DOCK2: variants seen among roughly 807,000 people sequenced by gnomAD.
DOCK2 encodes the protein dedicator of cytokinesis 2, also known as dedicator of cytokinesis protein 2.
In DOCK2, 87 loss-of-function variants were observed where a neutral mutation model predicts 248.9. The observed-to-expected ratio is 0.35, with a 90% CI of 0.29 to 0.42. The LOEUF (loss-of-function observed/expected upper bound fraction) is 0.42. Among genes scored for constraint, DOCK2 ranks in the 10% least tolerant of loss-of-function variants. The pLI is 1.00. For synonymous variants in DOCK2, 805 were observed against 821.6 expected, an observed-to-expected ratio of 0.98 and a Z score of 0.35; for missense variants, 1,747 against 2,300.2, an observed-to-expected ratio of 0.76 and a Z score of 4.92.
chr5:169,790,851 G>T (rs999863658), intron 25 of DOCK2, among the ~76,000 whole-genome samples: 2 of 152,148 alleles, frequency 1.3e-5, no homozygotes, highest in Admixed American at 1.3e-4. Context: ...TGGTAGTAAG[G>T]CTGGGATTCA....
intron 1 of DOCK2, among the ~76,000 whole-genome samples, chr5:169,649,798 A>AT (rs1034567281): frequency 3.3e-5 from 5 of 149,376 alleles, no homozygotes; most frequent in African/African-American, 4.9e-5. Flanking sequence ...AGTGCTAGGG[A>AT]TTTTTTTTTC....
chr5:169,750,794 CGAA>C (rs1477351256), intron 23 of DOCK2, among the ~76,000 whole-genome samples: 3 of 152,126 alleles, frequency 2.0e-5, no homozygotes, highest in African/African-American at 4.8e-5. Context: ...GAAAAGTTAT[CGAA>C]GAAGAATTTA....
rs560763186 is a variant in DOCK2 at position 169,806,302 on chromosome 5, G to C, written c.2703+3096G>C. 6.2e-4 allele frequency among the ~76,000 whole-genome samples: 58 copies of C among 93,236 alleles called. 1 individual carries two copies. The South Asian group carries it at 0.021, about 33-fold the overall frequency. The allele number at this position is 93,236 out of a possible 152,430, so 61.2% of individuals were successfully genotyped here. ...CTATAGGTACCAGCCACCACACTTG[G>C]TTAATTAGTTAATTAATTAATTAAT... On this transcript the variant is annotated intron_variant, in intron 26 of 51. Transcript: ENST00000520908.
intron 32 of DOCK2, among the ~76,000 whole-genome samples, chr5:170,011,843 T>A (rs1314932834): frequency 6.6e-6 from 1 of 152,208 alleles, no homozygotes; most frequent in East Asian, 1.9e-4. Flanking sequence ...AAGGACAATA[T>A]GGCTGGAGGG....
At chr5:169,678,077 T>C (rs994664139) in intron 6 of DOCK2, among the ~76,000 whole-genome samples, 2 of 152,148 alleles carry the variant, frequency 1.3e-5, no homozygotes, top group Non-Finnish European at 2.9e-5. Context: ...CATGCCTGGT[T>C]TGTTTTAAAT....
chr5:169,863,093 A>C (rs1364700196), intron 27 of DOCK2, among the ~76,000 whole-genome samples: 1 of 152,220 alleles, frequency 6.6e-6, no homozygotes, highest in African/African-American at 2.4e-5. Flanking sequence ...TTGTTCAGCC[A>C]TGCAAGTTTG....
At chr5:169,647,871 T>C (rs1757558114) in intron 1 of DOCK2, among the ~76,000 whole-genome samples, 1 of 152,158 alleles carries the variant, frequency 6.6e-6, no homozygotes, top group Non-Finnish European at 1.5e-5. Flanking sequence ...TTCTTGTGTG[T>C]TTATTTTGTC....
intron 46 of DOCK2, among the ~76,000 whole-genome samples, chr5:170,069,981 G>A (rs1757625065): frequency 1.3e-5 from 2 of 149,874 alleles, no homozygotes; most frequent in African/African-American, 4.9e-5. Flanking sequence ...CTCCTCTCTT[G>A]GCTTCTCTTC....
intron 25 of DOCK2, among the ~76,000 whole-genome samples, chr5:169,766,833 T>C (rs1049279057): frequency 6.6e-6 from 1 of 152,210 alleles, no homozygotes; most frequent in African/African-American, 2.4e-5. Flanking sequence ...AATGGTGCGG[T>C]CTCAGCTCAC....
intron 27 of DOCK2, among the ~76,000 whole-genome samples, chr5:169,941,111 G>A (rs538347377): frequency 1.8e-4 from 28 of 152,176 alleles, no homozygotes; most frequent in Non-Finnish European, 3.4e-4. Context: ...AACTGAAGCC[G>A]CGCCCCGAAG....
At chr5:169,914,757 G>A (rs189952834) in intron 27 of DOCK2, among the ~76,000 whole-genome samples, 49 of 152,280 alleles carry the variant, frequency 3.2e-4, no homozygotes, top group Non-Finnish European at 5.4e-4. Context: ...GGGTCTTTTA[G>A]CCACCTTTGC....
rs149405983 is a variant in DOCK2, at chr5:169,865,044, G to A, written c.2799+24192G>A. On this transcript the variant is annotated intron_variant, in intron 27 of 51. Coordinates refer to ENST00000520908, the MANE Select transcript of DOCK2 (RefSeq NM_004946.3). The stretch of plus-strand genomic sequence containing the variant: ...AACATAATTTCTACCAATATATTAC[G>A]TCTTGCTCTTTGAATTGCATCTCAA... 1.3e-4 allele frequency among the ~76,000 whole-genome samples: 20 copies of A among 152,184 alleles called. No individual in the cohort carries two copies. In the East Asian group the frequency reaches 3.5e-3, roughly 26 times the overall value.
chr5:169,909,317 TATAGAAC>T (rs1774462979), intron 27 of DOCK2, among the ~76,000 whole-genome samples: 1 of 152,216 alleles, frequency 6.6e-6, no homozygotes, highest in South Asian at 2.1e-4. Context: ...TGTTCAACAG[TATAGAAC>T]ATTTCTTTCT....
intron 27 of DOCK2, among the ~76,000 whole-genome samples, chr5:169,973,997 G>C (rs1292834870): frequency 6.6e-6 from 1 of 152,164 alleles, no homozygotes; most frequent in African/African-American, 2.4e-5. Context: ...AGGGGGAGAG[G>C]TGGTGAGGTG....
intron 27 of DOCK2, among the ~76,000 whole-genome samples, chr5:169,929,814 A>T (rs1301929802): frequency 1.3e-5 from 2 of 151,410 alleles, no homozygotes; most frequent in African/African-American, 2.4e-5. Context: ...TTGACCTAGC[A>T]CTTTCCTATA....
At chr5:169,938,423 C>G (rs1776087180) in intron 27 of DOCK2, among the ~76,000 whole-genome samples, 1 of 152,142 alleles carries the variant, frequency 6.6e-6, no homozygotes, top group African/African-American at 2.4e-5. Flanking sequence ...TAAGGTAGAG[C>G]CTATTGCTCC....
At chr5:169,757,319 T>C (rs1258229672) in intron 23 of DOCK2, among the ~76,000 whole-genome samples, 2 of 152,116 alleles carry the variant, frequency 1.3e-5, no homozygotes, top group African/African-American at 4.8e-5. Flanking sequence ...TGGAGGAATG[T>C]CATAATGCTT....
chr5:169,780,599 G>C (rs2046252), intron 25 of DOCK2, among the ~76,000 whole-genome samples: 1 of 151,926 alleles, frequency 6.6e-6, no homozygotes. Context: ...TTGTGCTTAC[G>C]TAACACCAGC....
At chr5:169,817,055 A>G (rs1262177626) in intron 26 of DOCK2, among the ~76,000 whole-genome samples, 1 of 152,072 alleles carries the variant, frequency 6.6e-6, no homozygotes, top group Non-Finnish European at 1.5e-5. Context: ...TCACACTTTT[A>G]TATTATCCAT....
Sources: gnomAD v4.1 joint callset for allele counts (sites outside exome capture counted in the v4.1 genomes callset) on GRCh38, gnomAD v4.1.1 for gene constraint, MANE v1.5 for transcripts, NCBI Gene and HGNC (gene_info 2026-07-23, HGNC 2026-07-21) for gene names.